IL5RA: variants seen among roughly 807,000 people sequenced by gnomAD.
IL5RA encodes interleukin 5 receptor subunit alpha, also known as interleukin-5 receptor subunit alpha.
A neutral mutation model predicts 50.0 loss-of-function variants in IL5RA; 49 were observed. The observed-to-expected ratio is 0.98, with a 90% CI of 0.78 to 1.24. The LOEUF (loss-of-function observed/expected upper bound fraction) is 1.24, where lower values mean the gene tolerates loss of function less well. Ranked by LOEUF, IL5RA falls within the 50% of genes most tolerant of loss-of-function variation. IL5RA has a pLI of 0.00. For synonymous variants in IL5RA, 202 were observed against 174.0 expected (o/e 1.16, Z -1.26); for missense variants, 600 against 500.4 (o/e 1.20, Z -1.90).
At position 3,098,266 on chromosome 3, in the gene IL5RA, T is replaced by C. The variant is rs983061904; in HGVS notation, c.392A>G (p.Asn131Ser). ...PPGSPGTSIV[N>S]LTCTTNTTED... ...TGTAGTGTTTGTGGTGCAAGTTAAA[T>C]TCACAATTGAGGTTCCAGGAGACCC... Residue 131 changes from asparagine to serine, a missense_variant, in exon 6 of 12, where the codon AAT becomes AGT. By Grantham distance (46) the Asn-to-Ser change is conservative. Coordinates refer to ENST00000446632, the MANE Select transcript of IL5RA (RefSeq NM_175726.4). The C allele has an allele frequency of 1.2e-6, 2 of 1,614,082 alleles. No individual in the cohort carries two copies. The highest frequency in any genetic ancestry group is 1.7e-6 in the Non-Finnish European group (2 of 1,179,946).
chr3:3,070,863 G>A lies in IL5RA; in HGVS notation c.1177-552C>T, dbSNP rs1350809994. ...CCCAAAATGCTGGGATTACAGGCAT[G>A]AGCCACCACGCCCGGCCGGATACAC... On this transcript the variant is annotated intron_variant, in intron 11 of 11. Transcript: ENST00000446632. Among the ~76,000 whole-genome samples, 13 of 151,982 alleles carry A rather than the reference G, an allele frequency of 8.6e-5. 1 individual carries two copies. The South Asian group carries it at 2.3e-3, about 27-fold the overall frequency.
chr3:3,069,635 T>TCC lies in IL5RA; in HGVS notation c.*589_*590insGG, dbSNP rs1344011093. On this transcript the variant is annotated 3_prime_UTR_variant, in exon 12 of 12. Transcript: ENST00000446632. ...CCTCTGGAGCTTGAGATAATTTCTC[T>TCC]CTCTCTCTCTCTCTCTCTCTCTCTC... 1 of 148,840 alleles carries TCC rather than the reference T, an allele frequency of 6.7e-6. No individual in the cohort carries two copies. Among genetic ancestry groups the TCC allele is most frequent in the Non-Finnish European group, 1.5e-5 (1 of 67,412 alleles). The allele number at this position is 148,840 out of a possible 1,614,324, so 9.2% of individuals were successfully genotyped here.
At chr3:3,095,213 C>T in intron 8 of IL5RA, 86 bp downstream of exon 8, 10 of 1,016,962 alleles carry the variant, frequency 9.8e-6, no homozygotes, top group South Asian at 3.0e-5. Context: ...CAAGCTGTAA[C>T]TTGGTTGCAG....
At chr3:3,080,229 G>A (rs185381981) in intron 9 of IL5RA, among the ~76,000 whole-genome samples, 5 of 152,066 alleles carry the variant, frequency 3.3e-5, no homozygotes, top group South Asian at 2.1e-4. Flanking sequence ...AGTGCTTCAC[G>A]TACTTTCTCG....
chr3:3,105,237 G>A (rs1703851916), intron 2 of IL5RA, among the ~76,000 whole-genome samples: 1 of 152,156 alleles, frequency 6.6e-6, no homozygotes, highest in South Asian at 2.1e-4. Context: ...CCTCAGTAAA[G>A]GTGTGTATGG....
chr3:3,105,939 TC>T (rs1703900700), intron 2 of IL5RA, among the ~76,000 whole-genome samples: 1 of 152,144 alleles, frequency 6.6e-6, no homozygotes, highest in African/African-American at 2.4e-5. Flanking sequence ...ACGCATGGCT[TC>T]CCCCTGTGTT....
At chr3:3,089,237 C>T (rs1040756653) in intron 9 of IL5RA, among the ~76,000 whole-genome samples, 2 of 152,204 alleles carry the variant, frequency 1.3e-5, no homozygotes, top group African/African-American at 4.8e-5. Context: ...GATGTGAGGG[C>T]TACCCCTGTA....
chr3:3,097,930 C>G lies in IL5RA; in HGVS notation c.649G>C (p.Gly217Arg), dbSNP rs768902375. 6.2e-6 allele frequency: 10 copies of G among 1,613,992 alleles called. No individual in the cohort carries two copies. The highest frequency in any genetic ancestry group is 2.2e-5 in the East Asian group (1 of 44,892). Residue 217 changes from glycine to arginine, a missense_variant, in exon 7 of 12, where the codon GGC becomes CGC. By Grantham distance (125) the Gly-to-Arg change is moderately radical. Coordinates refer to ENST00000446632, the MANE Select transcript of IL5RA (RefSeq NM_175726.4). Reference sequence around the variant, plus strand: ...CTGATAGCAGAGTGCTTGCTGGAGCCGTTAACAAGCACCGCAAGCCAGTCA... The same window carrying G: ...CTGATAGCAGAGTGCTTGCTGGAGCGGTTAACAAGCACCGCAAGCCAGTCA... The part of the protein sequence containing the change: ...GRDWLAVLVN[G>R]SSKHSAIRPF...
intron 9 of IL5RA, among the ~76,000 whole-genome samples, chr3:3,083,112 C>G (rs1483916220): frequency 6.6e-6 from 1 of 152,190 alleles, no homozygotes; most frequent in East Asian, 1.9e-4. Flanking sequence ...CTTCCTGTGA[C>G]TTGCCTCCAG....
chr3:3,099,718 A>G (rs898439583), intron 5 of IL5RA, among the ~76,000 whole-genome samples: 2 of 150,980 alleles, frequency 1.3e-5, no homozygotes, highest in African/African-American at 4.9e-5. Context: ...CACCCAGGCT[A>G]GAGTGCAGTG....
intron 7 of IL5RA, 134 bp downstream of exon 7, chr3:3,097,736 T>G: frequency 1.1e-6 from 1 of 932,980 alleles, no homozygotes; most frequent in East Asian, 2.6e-5. Flanking sequence ...CTTGCCCCAG[T>G]GGTTTTCAAA....
At chr3:3,071,125 C>G (rs1445995491) in intron 11 of IL5RA, among the ~76,000 whole-genome samples, 1 of 152,152 alleles carries the variant, frequency 6.6e-6, no homozygotes, top group Non-Finnish European at 1.5e-5. Context: ...ATTCCTTTAT[C>G]TCATTTACTC....
chr3:3,096,703 G>C (rs1383466616), intron 7 of IL5RA, among the ~76,000 whole-genome samples: 1 of 152,064 alleles, frequency 6.6e-6, no homozygotes, highest in Non-Finnish European at 1.5e-5. Flanking sequence ...TTTCATGAAA[G>C]TGACATTTTT....
At chr3:3,081,169 C>T (rs559719123) in intron 9 of IL5RA, among the ~76,000 whole-genome samples, 189 of 152,270 alleles carry the variant, frequency 1.2e-3, no homozygotes, top group African/African-American at 4.1e-3. Flanking sequence ...ATTAATACTC[C>T]GTTCTCTGGA....
chr3:3,074,937 A>G, intron 10 of IL5RA, 71 bp from the exon 11 acceptor site: 1 of 937,106 alleles, frequency 1.1e-6, no homozygotes, highest in Non-Finnish European at 1.7e-6. Context: ...CTACTCTAAA[A>G]ATTGACCTGG....
intron 9 of IL5RA, among the ~76,000 whole-genome samples, chr3:3,085,978 C>T (rs771824336): frequency 6.6e-5 from 10 of 152,018 alleles, no homozygotes; most frequent in Non-Finnish European, 1.0e-4. Flanking sequence ...GATCTGAAAA[C>T]GGTGCTGAGT....
In IL5RA at chr3:3,079,718, T is replaced by G. The variant is rs17878675; in HGVS notation, c.995-3091A>C. Among the ~76,000 whole-genome samples, 706 of 152,316 alleles carry G rather than the reference T, an allele frequency of 4.6e-3. 4 individuals carry two copies. Among genetic ancestry groups the G allele is most frequent in the Middle Eastern group, 0.024 (7 of 294 alleles). On this transcript the variant is annotated intron_variant, in intron 9 of 11. Coordinates refer to ENST00000446632, the MANE Select transcript of IL5RA (RefSeq NM_175726.4). ...CTGTCACTTCATGTACACATACCTTTAATAAAATTGGTTTTAGAAAAGCAG... is the reference window on the plus strand; with the variant it reads ...CTGTCACTTCATGTACACATACCTTGAATAAAATTGGTTTTAGAAAAGCAG...
chr3:3,100,078 G>C (rs1703570416), intron 5 of IL5RA, among the ~76,000 whole-genome samples: 1 of 152,156 alleles, frequency 6.6e-6, no homozygotes, highest in South Asian at 2.1e-4. Context: ...ATTAACTGTT[G>C]GTCTTTAAAA....
At chr3:3,097,156 G>T (rs1445728016) in intron 7 of IL5RA, among the ~76,000 whole-genome samples, 1 of 152,186 alleles carries the variant, frequency 6.6e-6, no homozygotes, top group East Asian at 1.9e-4. Flanking sequence ...CTGGGATGAG[G>T]GAGAGTGTCT....
Sources: allele counts gnomAD v4.1 joint callset (sites outside exome capture counted in the v4.1 genomes callset), GRCh38; gene constraint gnomAD v4.1.1; transcripts MANE v1.5; gene names NCBI Gene and HGNC (gene_info 2026-07-23, HGNC 2026-07-21).